Variants in NOP58 observed in about 807,000 individuals in gnomAD.
NOP58 encodes NOP58 ribonucleoprotein, also known as nucleolar protein 58.
In NOP58, 44 loss-of-function variants were observed where a neutral mutation model predicts 71.2. The observed-to-expected ratio is 0.62, with a 90% CI of 0.49 to 0.79. The LOEUF is 0.79. NOP58 is among the 30% of genes least tolerant of loss of function. NOP58 has a pLI of 0.00. For synonymous variants in NOP58, 228 were observed against 200.3 expected (o/e 1.14, Z -1.17); for missense variants, 538 against 620.2 (o/e 0.87, Z 1.41).
chr2:202,284,722 A>T, intron 5 of NOP58: 1 of 409,428 alleles, frequency 2.4e-6, no homozygotes. Context: ...TAAAACCTTA[A>T]AACCTCATCA....
At chr2:202,281,050 T>G (rs1180738748) in intron 3 of NOP58, among the ~76,000 whole-genome samples, 2 of 152,102 alleles carry the variant, frequency 1.3e-5, no homozygotes, top group Non-Finnish European at 2.9e-5. Flanking sequence ...GAGCAAGACC[T>G]GACTTATTAA....
intron 9 of NOP58, among the ~76,000 whole-genome samples, chr2:202,293,497 C>G (rs1369804854): frequency 6.6e-6 from 1 of 152,190 alleles, no homozygotes; most frequent in African/African-American, 2.4e-5. Flanking sequence ...AGTACTGATT[C>G]ATCATTTTTA....
At chr2:202,303,310 G>T in intron 14 of NOP58, 76 bp from the exon 15 acceptor site, 4 of 1,579,006 alleles carry the variant, frequency 2.5e-6, no homozygotes, top group Non-Finnish European at 3.4e-6. Flanking sequence ...TATAGGTGGG[G>T]TTTTTATATT....
chr2:202,300,422 G>T (rs990008223), intron 13 of NOP58, 55 bp downstream of exon 13: 5 of 1,422,228 alleles, frequency 3.5e-6, no homozygotes, highest in Non-Finnish European at 4.8e-6. Context: ...TAGAACTGTG[G>T]ATTTTGTGAG....
chr2:202,294,281 T>C (rs556758810), intron 9 of NOP58, among the ~76,000 whole-genome samples: 2 of 146,886 alleles, frequency 1.4e-5, no homozygotes, highest in South Asian at 4.3e-4. Flanking sequence ...ATTGTGACAT[T>C]GCACACAGCA....
intron 1 of NOP58, among the ~76,000 whole-genome samples, chr2:202,274,049 T>A (rs1688548443): frequency 6.6e-6 from 1 of 152,138 alleles, no homozygotes; most frequent in Non-Finnish European, 1.5e-5. Flanking sequence ...TGTTGATAAG[T>A]ATATTGTTGA....
chr2:202,277,261 C>T (rs1219228096), intron 2 of NOP58, among the ~76,000 whole-genome samples: 2 of 151,168 alleles, frequency 1.3e-5, no homozygotes, highest in Non-Finnish European at 2.9e-5. Flanking sequence ...GCCGAGATTG[C>T]GCCACTGCAC....
chr2:202,273,922 A>T (rs138758738), intron 1 of NOP58, among the ~76,000 whole-genome samples: 1 of 151,254 alleles, frequency 6.6e-6, no homozygotes, highest in African/African-American at 2.4e-5. Context: ...CAGCCTGGCG[A>T]CAGAGTGAGA....
chr2:202,276,535 T>G (rs1161127887), intron 2 of NOP58: 4 of 504,248 alleles, frequency 7.9e-6, no homozygotes, highest in African/African-American at 5.8e-5. Context: ...ATATGTTTCT[T>G]TCTGGATAAA....
At chr2:202,298,217 C>T (rs568925694) in intron 12 of NOP58, among the ~76,000 whole-genome samples, 1 of 152,278 alleles carries the variant, frequency 6.6e-6, no homozygotes, top group South Asian at 2.1e-4. Flanking sequence ...TTGTGCACCC[C>T]TAATTTTTTT....
chr2:202,279,574 G>C (rs1221364915), intron 3 of NOP58, among the ~76,000 whole-genome samples: 1 of 152,222 alleles, frequency 6.6e-6, no homozygotes, highest in Non-Finnish European at 1.5e-5. Flanking sequence ...AAGACAGGCG[G>C]ATCACCTGAG....
chr2:202,282,668 G>A (rs950001837), intron 4 of NOP58, among the ~76,000 whole-genome samples, 196 bp downstream of exon 4: 1 of 152,102 alleles, frequency 6.6e-6, no homozygotes, highest in Non-Finnish European at 1.5e-5. Context: ...TGTTCTAGAA[G>A]ATATAGAAGA....
rs576526436 is a variant in NOP58 at position 202,271,219 on chromosome 2, T to C, written c.46-3894T>C. On this transcript the variant is annotated intron_variant, in intron 1 of 14. Transcript: ENST00000264279. ...ACCCCCATATTTAACATCCCTAAAA[T>C]TGGGATGTCTTACAATTGATGACAG... Among the ~76,000 whole-genome samples the C allele has an allele frequency of 1.3e-4, 20 of 152,054 alleles. No individual in the cohort carries two copies. In the East Asian group the frequency reaches 3.5e-3, roughly 26 times the overall value.
At chr2:202,267,490 A>C (rs1053050986) in intron 1 of NOP58, among the ~76,000 whole-genome samples, 31 of 152,302 alleles carry the variant, frequency 2.0e-4, no homozygotes, top group African/African-American at 6.5e-4. Context: ...TAGTGTTTTA[A>C]GGAACTTGTA....
chr2:202,302,422 G>C (rs1325195137), intron 13 of NOP58, among the ~76,000 whole-genome samples: 1 of 152,096 alleles, frequency 6.6e-6, no homozygotes, highest in Non-Finnish European at 1.5e-5. Flanking sequence ...GCTATGTGTT[G>C]AGTCCTTATT....
At chr2:202,280,585 G>T (rs1446305328) in intron 3 of NOP58, among the ~76,000 whole-genome samples, 1 of 151,962 alleles carries the variant, frequency 6.6e-6, no homozygotes, top group African/African-American at 2.4e-5. Context: ...ACCCGCCTTG[G>T]CCTCCCAAAG....
rs376869515 is a variant in NOP58 at position 202,303,076 on chromosome 2, A to G, written c.1539+19A>G. On this transcript the variant is annotated intron_variant, in intron 14 of 14. Transcript: ENST00000264279. ...AATTGCTGTATGTTTGTTTTTAATT[A>G]TCGGTTTTCACTTGGAGGGGCCAGT... 9.3e-6 allele frequency: 15 copies of G among 1,604,294 alleles called. No individual in the cohort carries two copies. The African/African-American group carries it at 1.5e-4, about 16-fold the overall frequency.
chr2:202,289,753 TCAGAGA>T (rs1348445543), intron 6 of NOP58, among the ~76,000 whole-genome samples: 1 of 152,152 alleles, frequency 6.6e-6, no homozygotes. Flanking sequence ...ATAGGTGAAC[TCAGAGA>T]CAGAAGTATA....
At chr2:202,266,036 C>T in intron 1 of NOP58, 50 bp downstream of exon 1, 2 of 1,596,806 alleles carry the variant, frequency 1.3e-6, no homozygotes, top group South Asian at 2.2e-5. Context: ...GCTGGACAGA[C>T]GAGGAGAGGG....
Sources: allele counts gnomAD v4.1 joint callset (sites outside exome capture counted in the v4.1 genomes callset), GRCh38; gene constraint gnomAD v4.1.1; transcripts MANE v1.5; gene names NCBI Gene and HGNC (gene_info 2026-07-23, HGNC 2026-07-21).